Variants in ZNF260 observed in about 807,000 individuals in gnomAD.
ZNF260 encodes zfp-260.
A neutral mutation model predicts 29.3 loss-of-function variants in ZNF260; 21 were observed. That is an observed-to-expected ratio of 0.72 (90% CI 0.51 to 1.03). The LOEUF (loss-of-function observed/expected upper bound fraction) is 1.03, where lower values mean the gene tolerates loss of function less well. Among genes scored for constraint, ZNF260 ranks in the 50% least tolerant of loss-of-function variants. The pLI, the probability that ZNF260 is intolerant of heterozygous loss-of-function variation, is 0.00. For synonymous variants in ZNF260, 156 were observed against 156.8 expected (o/e 0.99, Z 0.04); for missense variants, 465 against 487.8 (o/e 0.95, Z 0.44).
intron 2 of ZNF260, chr19:36,517,986 C>G (rs1038911244): frequency 6.6e-6 from 1 of 152,320 alleles, no homozygotes; most frequent in African/African-American, 2.4e-5. Flanking sequence ...CCCGCCACCA[C>G]GCTCGGCTAA....
intron 2 of ZNF260, among the ~76,000 whole-genome samples, chr19:36,521,268 G>C (rs2034641113): frequency 6.6e-6 from 1 of 152,072 alleles, no homozygotes; most frequent in Admixed American, 6.6e-5. Context: ...CAGGACTTAT[G>C]CTACTATATT....
At chr19:36,520,004 A>G (rs1182079076) in intron 2 of ZNF260, among the ~76,000 whole-genome samples, 1 of 152,008 alleles carries the variant, frequency 6.6e-6, no homozygotes, top group Non-Finnish European at 1.5e-5. Context: ...GTTCGAGACC[A>G]GCCTGGCCAA....
intron 1 of ZNF260, among the ~76,000 whole-genome samples, chr19:36,527,846 C>CA: frequency 6.6e-6 from 1 of 152,126 alleles, no homozygotes; most frequent in Non-Finnish European, 1.5e-5. Flanking sequence ...CTTATCCGCT[C>CA]AATTCCTTAG....
rs550631679 is a variant in ZNF260, at chr19:36,510,691, G to A, written c.*3309C>T. 3.3e-5 allele frequency: 5 copies of A among 152,176 alleles called. No homozygotes were observed. Among genetic ancestry groups the A allele is most frequent in the African/African-American group, 1.2e-4 (5 of 41,528 alleles). 9.4% of individuals were successfully genotyped at this position (152,176 alleles called of 1,614,324 possible). ...GAAATAAAAACAACTGAAATCTAAG[G>A]GGTGATTACATGAATTTTTATTGTA... On this transcript the variant is annotated 3_prime_UTR_variant, in exon 3 of 3. Coordinates refer to ENST00000523638, the MANE Select transcript of ZNF260 (RefSeq NM_001166037.2).
chr19:36,515,876 C>CT (rs889264380), intron 2 of ZNF260, among the ~76,000 whole-genome samples, 177 bp from the exon 3 acceptor site: 111 of 145,720 alleles, frequency 7.6e-4, no homozygotes, highest in Admixed American at 1.6e-3. Flanking sequence ...AAAATAGATT[C>CT]TTTTTTTTTT....
At chr19:36,517,395 TA>T (rs202145605) in intron 2 of ZNF260, 303 of 142,672 alleles carry the variant, frequency 2.1e-3, no homozygotes, top group South Asian at 5.8e-3. Context: ...ACCTTGTCTC[TA>T]AAAAAAAAAA....
chr19:36,523,248 C>A (rs1411423477), intron 2 of ZNF260, among the ~76,000 whole-genome samples: 1 of 152,174 alleles, frequency 6.6e-6, no homozygotes, highest in Non-Finnish European at 1.5e-5. Context: ...TTTGGACAAT[C>A]CTCACTGTGA....
At chr19:36,526,538 T>C (rs2034737581) in intron 1 of ZNF260, among the ~76,000 whole-genome samples, 1 of 152,038 alleles carries the variant, frequency 6.6e-6, no homozygotes. Context: ...AGACTCCATC[T>C]CAAAAAAATA....
rs2034477984 is a variant in ZNF260, at chr19:36,513,040, T to C, written c.*960A>G. ...TTCTGAGAGAAAGATCATATTCACA[T>C]AACTTTTATGATTACAGTATATTGT... On this transcript the variant is annotated 3_prime_UTR_variant, in exon 3 of 3. Coordinates refer to ENST00000523638, the MANE Select transcript of ZNF260 (RefSeq NM_001166037.2). 6.6e-6 allele frequency: 1 copy of C among 152,234 alleles called. No individual in the cohort carries two copies. The highest frequency in any genetic ancestry group is 1.5e-5 in the Non-Finnish European group (1 of 68,028). 9.4% of individuals were successfully genotyped at this position (152,234 alleles called of 1,614,324 possible).
Position 36,513,888 on chromosome 19 carries a change from T to C in ZNF260, c.*112A>G. On this transcript the variant is annotated 3_prime_UTR_variant, in exon 3 of 3. Transcript: ENST00000523638. ...TAGTATTTAAGTTTTGAATTGCTGC[T>C]GAAGGACTTCCCACATTCATGTCAC... 5 of 1,229,518 alleles carry C rather than the reference T, an allele frequency of 4.1e-6. No homozygotes were observed. The highest frequency in any genetic ancestry group is 5.7e-6 in the Non-Finnish European group (5 of 882,816). 76.2% of individuals were successfully genotyped at this position (1,229,518 alleles called of 1,614,324 possible). A position where few individuals can be genotyped will look rare whatever the true frequency, so the allele number is the denominator to read the frequency against.
In ZNF260 at chr19:36,514,554, A is replaced by G. The variant is rs748132551; in HGVS notation, c.685T>C (p.Phe229Leu). The change falls in exon 3 of 3, where the codon TTC (phenylalanine) becomes CTC (leucine). Residue 229 changes from phenylalanine (F) to leucine (L), a missense_variant. Transcript: ENST00000523638. ...CTAATGAGGCTTGACTTCTGAATGA[A>G]AGCTTTCCCACACCCTTTACATTCA... is the stretch of plus-strand genomic sequence containing the variant. ...PYECKGCGKA[F>L]IQKSSLIRHQ... 5.0e-6 allele frequency: 8 copies of G among 1,614,074 alleles called. No homozygotes were observed. In the Admixed American group the frequency reaches 1.3e-4, roughly 27 times the overall value.
intron 2 of ZNF260, among the ~76,000 whole-genome samples, chr19:36,520,686 A>G (rs2034629303): frequency 1.3e-5 from 2 of 152,102 alleles, no homozygotes; most frequent in African/African-American, 4.8e-5. Context: ...CCCCGTCTGT[A>G]CTAAAAAGAC....
intron 1 of ZNF260, among the ~76,000 whole-genome samples, chr19:36,526,454 C>T (rs898899832): frequency 1.3e-5 from 2 of 152,212 alleles, no homozygotes; most frequent in East Asian, 1.9e-4. Context: ...GCAGGAGAAT[C>T]GCTTGAACCC....
intron 1 of ZNF260, among the ~76,000 whole-genome samples, chr19:36,527,401 A>G (rs960492031): frequency 1.6e-4 from 25 of 152,378 alleles, no homozygotes; most frequent in African/African-American, 5.8e-4. Context: ...TATGTTAAGA[A>G]TAAGTGTGAC....
chr19:36,513,081 TTA>T lies in ZNF260; in HGVS notation c.*917_*918del, dbSNP rs924466087. On this transcript the variant is annotated 3_prime_UTR_variant, in exon 3 of 3. Transcript: ENST00000523638. Reference sequence around the variant, plus strand: ...AGTATATTGTTATAATTGTTCCATATTATGTTTATTATTGTTTTAAATCTCTT... The same window carrying T: ...AGTATATTGTTATAATTGTTCCATATTGTTTATTATTGTTTTAAATCTCTT... 12 of 152,204 alleles carry T rather than the reference TTA, an allele frequency of 7.9e-5. No individual in the cohort carries two copies. Among genetic ancestry groups the T allele is most frequent in the Non-Finnish European group, 1.0e-4 (7 of 68,020 alleles). 9.4% of individuals were successfully genotyped at this position (152,204 alleles called of 1,614,324 possible).
In ZNF260 at chr19:36,522,841, T is replaced by C. The variant is rs553166349; in HGVS notation, c.-462+2314A>G. On this transcript the variant is annotated intron_variant, in intron 2 of 2. Transcript: ENST00000523638. ...ATGCAAATCTGGACTATTCACCACA[T>C]GAGTGTTATGTGACCAAGAAATCAA... 3.0e-4 allele frequency among the ~76,000 whole-genome samples: 46 copies of C among 152,196 alleles called. No homozygotes were observed. The South Asian group carries it at 6.6e-3, about 22-fold the overall frequency.
In ZNF260 at chr19:36,515,449, T is replaced by A. The variant is rs770547185; in HGVS notation, c.-211A>T. ...AAGGGATAAAATGTAACATTCTCTT[T>A]ATATTCTTAATGGTTCTTATATAGC... On this transcript the variant is annotated 5_prime_UTR_variant, in exon 3 of 3. Transcript: ENST00000523638. The A allele has an allele frequency of 6.0e-6, 3 of 501,752 alleles. No homozygotes were observed. The highest frequency in any genetic ancestry group is 3.7e-5 in the Admixed American group (1 of 26,712). 31.1% of individuals were successfully genotyped at this position (501,752 alleles called of 1,614,324 possible).
At chr19:36,518,430 G>A in intron 2 of ZNF260, among the ~76,000 whole-genome samples, 1 of 152,120 alleles carries the variant, frequency 6.6e-6, no homozygotes, top group East Asian at 1.9e-4. Context: ...TCACTGCAAT[G>A]AAATATTAAC....
intron 2 of ZNF260, among the ~76,000 whole-genome samples, chr19:36,521,486 C>T (rs1266900191): frequency 6.6e-6 from 1 of 152,224 alleles, no homozygotes; most frequent in African/African-American, 2.4e-5. Context: ...GGTGCAGTGG[C>T]ACACGCCTGT....
Sources: gnomAD v4.1 joint callset for allele counts (sites outside exome capture counted in the v4.1 genomes callset) on GRCh38, gnomAD v4.1.1 for gene constraint, MANE v1.5 for transcripts, NCBI Gene and HGNC (gene_info 2026-07-23, HGNC 2026-07-21) for gene names.